NPAS1: variants seen among roughly 807,000 people sequenced by gnomAD.
The protein encoded by NPAS1 is neuronal PAS domain-containing protein 1.
A neutral mutation model predicts 49.2 loss-of-function variants in NPAS1; 29 were observed. The ratio of observed to expected loss-of-function variants is 0.59; its 90% CI spans 0.44 to 0.80. NPAS1 has a LOEUF of 0.80. Ranked by LOEUF, NPAS1 falls within the 30% of genes least tolerant of loss-of-function variation. The probability of loss-of-function intolerance (pLI) is 0.00; values close to 1 mark genes in which losing one functional copy is unlikely to be tolerated. For missense variants in NPAS1, 825 were observed against 835.5 expected, an observed-to-expected ratio of 0.99 and a Z score of 0.15; for synonymous variants, 408 against 380.4, an observed-to-expected ratio of 1.07 and a Z score of -0.84.
rs201180125 is a variant in NPAS1, at chr19:47,021,013, G to C, written c.-35G>C. 6.4e-7 allele frequency: 1 copy of C among 1,567,986 alleles called. No individual in the cohort carries two copies. Among genetic ancestry groups the C allele is most frequent in the East Asian group, 2.4e-5 (1 of 42,396 alleles). ...GGCCCCCTCCCGCTGCAGGAGACTC[G>C]GGGCTCGGAGCCCGCCTGAGCGAGC... On this transcript the variant is annotated 5_prime_UTR_variant, in exon 2 of 12. Transcript: ENST00000602212. The surrounding 1 kb of genome is among the most constrained non-coding windows in gnomAD (Gnocchi z 5.7).
chr19:47,025,929 TTTTTTTGTTTTTG>T (rs1198203322), intron 3 of NPAS1, among the ~76,000 whole-genome samples: 1 of 147,204 alleles, frequency 6.8e-6, no homozygotes, highest in Non-Finnish European at 1.5e-5. Context: ...GGAAGTAACG[TTTTTTTGTTTTTG>T]TTTTTTGTTT....
chr19:47,041,179 C>T, intron 10 of NPAS1, 54 bp downstream of exon 10: 1 of 1,457,060 alleles, frequency 6.9e-7, no homozygotes, highest in East Asian at 2.6e-5. Context: ...GCTGTCTCTC[C>T]CCACCTCCAG....
In NPAS1 at chr19:47,039,513, T is replaced by C. The variant is rs777818621; in HGVS notation, c.911T>C (p.Met304Thr). 2 of 1,609,646 alleles carry C rather than the reference T, an allele frequency of 1.2e-6. No homozygotes were observed. Among genetic ancestry groups the C allele is most frequent in the South Asian group, 2.2e-5 (2 of 90,712 alleles). The change falls in exon 8 of 12, where the codon ATG becomes ACG. Residue 304 changes from methionine (M) to threonine (T), a missense_variant. Coordinates refer to ENST00000602212, the MANE Select transcript of NPAS1 (RefSeq NM_002517.4). ...PLAELPLHGHMIVFRLSLGLT... is the reference protein window; with the variant it reads ...PLAELPLHGHTIVFRLSLGLT... Reference sequence around the variant, plus strand: ...GCTGAGCTGCCACTCCATGGACACATGATCGTCTTCCGTCTCAGCCTGGGT... The same window carrying C: ...GCTGAGCTGCCACTCCATGGACACACGATCGTCTTCCGTCTCAGCCTGGGT...
At chr19:47,032,226 C>A in intron 3 of NPAS1, 52 bp from the exon 4 acceptor site, 1 of 1,550,490 alleles carries the variant, frequency 6.4e-7, no homozygotes, top group Non-Finnish European at 8.9e-7. Flanking sequence ...GGGGGACCTG[C>A]CCTGGGCAGG....
intron 6 of NPAS1, among the ~76,000 whole-genome samples, chr19:47,036,536 G>T (rs1236997706): frequency 1.3e-5 from 2 of 152,116 alleles, no homozygotes; most frequent in Non-Finnish European, 2.9e-5. Flanking sequence ...AGCTCGGTTG[G>T]AGACCAGCCT....
At position 47,021,906 on chromosome 19, in the gene NPAS1, C is replaced by A. The variant is rs371354676; in HGVS notation, c.358+59C>A. On this transcript the variant is annotated intron_variant, in intron 3 of 11. Transcript: ENST00000602212. The surrounding 1 kb of genome is among the most constrained non-coding windows in gnomAD (Gnocchi z 5.7). ...GCCCTCCAGGCGGAGTCACTGCAGC[C>A]CAGATCCGGGCTGCGGGCCTGCCCT... 5.1e-5 allele frequency: 60 copies of A among 1,174,626 alleles called. No homozygotes were observed. The East Asian group carries it at 5.2e-4, about 10-fold the overall frequency. The allele number at this position is 1,174,626 out of a possible 1,614,324, so 72.8% of individuals were successfully genotyped here.
At chr19:47,027,243 C>A (rs2056876784) in intron 3 of NPAS1, among the ~76,000 whole-genome samples, 1 of 152,160 alleles carries the variant, frequency 6.6e-6, no homozygotes. Flanking sequence ...TCAGCACATT[C>A]CTTCAGGGCA....
At position 47,036,100 on chromosome 19, in the gene NPAS1, C is replaced by T; in HGVS notation, c.659C>T (p.Ser220Phe). The T allele has an allele frequency of 6.3e-7, 1 of 1,576,152 alleles. No individual in the cohort carries two copies. Among genetic ancestry groups the T allele is most frequent in the Non-Finnish European group, 8.6e-7 (1 of 1,161,274 alleles). ...TCCGTCTCCTCTTCCTCCTCCTCTTCCTCTTCGCTTGCAGATACCCCCGAG... is the reference window on the plus strand; with the variant it reads ...TCCGTCTCCTCTTCCTCCTCCTCTTTCTCTTCGCTTGCAGATACCCCCGAG... ...PPSVSSSSSS[S>F]SSLADTPEIE... Residue 220 changes from serine to phenylalanine, a missense_variant, in exon 6 of 12, where the codon TCC becomes TTC. Physicochemically the swap from Ser to Phe is radical, Grantham distance 155. Transcript: ENST00000602212.
intron 6 of NPAS1, among the ~76,000 whole-genome samples, chr19:47,038,778 G>A (rs1259040066): frequency 6.6e-6 from 1 of 152,068 alleles, no homozygotes; most frequent in Admixed American, 6.6e-5. Context: ...AGTGAGCCAA[G>A]ATTGCGCCAT....
intron 3 of NPAS1, among the ~76,000 whole-genome samples, chr19:47,024,666 C>T (rs1266208622): frequency 1.3e-5 from 2 of 152,156 alleles, no homozygotes; most frequent in African/African-American, 2.4e-5. Context: ...GTCTGTAGGT[C>T]TACAGGGATG....
At chr19:47,023,622 A>G (rs546372901) in intron 3 of NPAS1, among the ~76,000 whole-genome samples, 367 of 152,290 alleles carry the variant, frequency 2.4e-3, no homozygotes, top group Non-Finnish European at 4.4e-3. Context: ...GAGCACTGTC[A>G]GTCACACTCT....
intron 8 of NPAS1, among the ~76,000 whole-genome samples, chr19:47,039,982 C>T (rs1034455922): frequency 7.9e-5 from 12 of 152,230 alleles, no homozygotes; most frequent in Admixed American, 2.6e-4. Context: ...CTAGCATCCA[C>T]GCGAATACTC....
chr19:47,021,639 C>A lies in NPAS1; in HGVS notation c.150C>A (p.Ser50=). 1 of 1,547,526 alleles carries A rather than the reference C, an allele frequency of 6.5e-7. No individual in the cohort carries two copies. The highest frequency in any genetic ancestry group is 8.7e-7 in the Non-Finnish European group (1 of 1,147,926). ...PCLQAQRKEK[S]RNAARSRRGK... is the part of the protein sequence containing the mutation. ...TGCAGGCGCAGCGCAAGGAGAAGTC[C>A]CGGAACGCGGCGCGCTCGCGGCGCG... is the stretch of plus-strand genomic sequence containing the variant. Residue 50 remains serine (S), a synonymous_variant, in exon 3 of 12, where the codon TCC becomes TCA. Transcript: ENST00000602212. This position sits in a 1 kb window ranked among gnomAD's most constrained non-coding sequence, Gnocchi z 5.7.
In NPAS1 at chr19:47,021,657, G is replaced by A; in HGVS notation, c.168G>A (p.Ser56=). 2 of 1,554,590 alleles carry A rather than the reference G, an allele frequency of 1.3e-6. No homozygotes were observed. The highest frequency in any genetic ancestry group is 1.2e-5 in the South Asian group (1 of 84,052). Residue 56 remains serine (S), a synonymous_variant, in exon 3 of 12, where the codon TCG becomes TCA. Transcript: ENST00000602212. The surrounding 1 kb of genome is among the most constrained non-coding windows in gnomAD (Gnocchi z 5.7). ...RKEKSRNAAR[S]RRGKENLEFF... ...AGAAGTCCCGGAACGCGGCGCGCTCGCGGCGCGGGAAGGAGAACCTGGAGT... is the reference window on the plus strand; with the variant it reads ...AGAAGTCCCGGAACGCGGCGCGCTCACGGCGCGGGAAGGAGAACCTGGAGT...
intron 3 of NPAS1, among the ~76,000 whole-genome samples, chr19:47,030,355 G>A (rs1265814543): frequency 3.3e-5 from 5 of 151,836 alleles, no homozygotes; most frequent in East Asian, 1.9e-4. Flanking sequence ...CCATCCTAGC[G>A]GGTGTGGAGT....
Position 47,021,570 on chromosome 19 carries a change from C to A in NPAS1, c.123-42C>A. ...CGCCCCCAGTTCCCAAGCCCCTGAG[C>A]CCCGGGGCCCCGCCGACACCTCCTC... On this transcript the variant is annotated intron_variant, in intron 2 of 11. Coordinates refer to ENST00000602212, the MANE Select transcript of NPAS1 (RefSeq NM_002517.4). This position sits in a 1 kb window ranked among gnomAD's most constrained non-coding sequence, Gnocchi z 5.7. The A allele has an allele frequency of 2.2e-6, 3 of 1,356,262 alleles. No individual in the cohort carries two copies. The highest frequency in any genetic ancestry group is 2.6e-4 in the Middle Eastern group (1 of 3,866). 84.0% of individuals were successfully genotyped at this position (1,356,262 alleles called of 1,614,324 possible). A position where few individuals can be genotyped will look rare whatever the true frequency, so the allele number is the denominator to read the frequency against.
chr19:47,045,169 C>G, intron 11 of NPAS1, 22 bp from the exon 12 acceptor site: 4 of 1,609,314 alleles, frequency 2.5e-6, no homozygotes, highest in Non-Finnish European at 3.4e-6. Flanking sequence ...ACACACAGGC[C>G]CTCAGCATCT....
chr19:47,034,679 C>CCAACCTGGGCAACATGG (rs2056934184), intron 5 of NPAS1, among the ~76,000 whole-genome samples: 1 of 151,792 alleles, frequency 6.6e-6, no homozygotes, highest in Admixed American at 6.6e-5. Context: ...GAGTTCGAGA[C>CCAACCTGGGCAACATGG]CAACCTGGGC....
chr19:47,035,837 T>TA (rs376623293), intron 5 of NPAS1, 127 bp from the exon 6 acceptor site: 13 of 973,702 alleles, frequency 1.3e-5, no homozygotes, highest in East Asian at 5.7e-5. Flanking sequence ...TTTCTTTTCT[T>TA]AAAAAAACAC....
Sources: allele counts gnomAD v4.1 joint callset (sites outside exome capture counted in the v4.1 genomes callset), GRCh38; gene constraint gnomAD v4.1.1; non-coding constraint Gnocchi (gnomAD v3.1); transcripts MANE v1.5; gene names NCBI Gene and HGNC (gene_info 2026-07-23, HGNC 2026-07-21).